Variants in GLYR1 observed in about 807,000 individuals in gnomAD.
GLYR1 encodes glyoxylate reductase 1 homolog.
In GLYR1, 21 loss-of-function variants were observed where a neutral mutation model predicts 72.7. The observed-to-expected ratio is 0.29, with a 90% CI of 0.20 to 0.42. The LOEUF (loss-of-function observed/expected upper bound fraction) is 0.42. Ranked by LOEUF, GLYR1 falls within the 10% of genes least tolerant of loss-of-function variation. The pLI, the probability that GLYR1 is intolerant of heterozygous loss-of-function variation, is 1.00. For missense variants in GLYR1, 594 were observed against 712.1 expected, an observed-to-expected ratio of 0.83 and a Z score of 1.89; for synonymous variants, 392 against 270.2, an observed-to-expected ratio of 1.45 and a Z score of -4.42.
chr16:4,808,691 A>G (rs1337322167), intron 15 of GLYR1, among the ~76,000 whole-genome samples: 1 of 152,118 alleles, frequency 6.6e-6, no homozygotes, highest in African/African-American at 2.4e-5. Flanking sequence ...ACAAAGTGTC[A>G]TTTTTATTAT....
At chr16:4,824,009 C>T in intron 5 of GLYR1, 102 bp from the exon 6 acceptor site, 1 of 863,012 alleles carries the variant, frequency 1.2e-6, no homozygotes, top group Non-Finnish European at 1.9e-6. Context: ...AATCCCCAAC[C>T]ACTGTTCTGA....
chr16:4,821,297 C>T (rs1274832827), intron 9 of GLYR1, 83 bp downstream of exon 9: 7 of 1,420,272 alleles, frequency 4.9e-6, no homozygotes, highest in Admixed American at 1.7e-5. Flanking sequence ...GGACACAACC[C>T]TTAAAGAACC....
intron 3 of GLYR1, among the ~76,000 whole-genome samples, chr16:4,835,973 T>C (rs1596387874): frequency 6.6e-6 from 1 of 152,212 alleles, no homozygotes; most frequent in Admixed American, 6.5e-5. Context: ...TTTTTAAATT[T>C]ATTTTTTATA....
chr16:4,817,142 C>T (rs370791441), intron 10 of GLYR1, among the ~76,000 whole-genome samples: 3 of 149,512 alleles, frequency 2.0e-5, no homozygotes, highest in Admixed American at 6.7e-5. Flanking sequence ...TTTTTTGAGA[C>T]GGAGTCTTGC....
At chr16:4,833,985 C>G (rs2084959070) in intron 3 of GLYR1, among the ~76,000 whole-genome samples, 1 of 152,160 alleles carries the variant, frequency 6.6e-6, no homozygotes, top group Non-Finnish European at 1.5e-5. Context: ...ATACAGAAAC[C>G]CAGCTATCTC....
At chr16:4,846,564 A>C (rs557062454) in intron 1 of GLYR1, 84 of 293,416 alleles carry the variant, frequency 2.9e-4, no homozygotes, top group African/African-American at 1.7e-3. Context: ...TGGCTTTGAC[A>C]AATGCTAATG....
At position 4,833,436 on chromosome 16, in the gene GLYR1, G is replaced by T. The variant is rs1290485704; in HGVS notation, c.156-524C>A. Among the ~76,000 whole-genome samples the T allele has an allele frequency of 2.0e-5, 3 of 152,138 alleles. No homozygotes were observed. The South Asian group carries it at 6.2e-4, about 32-fold the overall frequency. On this transcript the variant is annotated intron_variant, in intron 3 of 15. Coordinates refer to ENST00000321919, the MANE Select transcript of GLYR1 (RefSeq NM_032569.4). ...ATCTGTTGATCCACAGAGAGTCAGG[G>T]ATGTTACAGAGCTGAAGAAATGCAA...
At chr16:4,843,222 A>C (rs1212009138) in intron 3 of GLYR1, among the ~76,000 whole-genome samples, 1 of 152,140 alleles carries the variant, frequency 6.6e-6, no homozygotes, top group Non-Finnish European at 1.5e-5. Flanking sequence ...GCTGGAGTGC[A>C]GGGTCTCGAA....
chr16:4,844,904 TTTCTGCAAGAAATTGCACC>T, intron 3 of GLYR1, among the ~76,000 whole-genome samples, 151 bp downstream of exon 3: 1 of 152,232 alleles, frequency 6.6e-6, no homozygotes, highest in Admixed American at 6.5e-5. Context: ...TCTAGGGCAA[TTTCTGCAAGAAATTGCACC>T]TTTATTTAGG....
At chr16:4,846,772 T>G in intron 1 of GLYR1, 2 of 246,528 alleles carry the variant, frequency 8.1e-6, no homozygotes, top group Non-Finnish European at 1.6e-5. Context: ...GCAGTCCGGT[T>G]TAGACAACCC....
chr16:4,813,908 A>T (rs2083469947), intron 11 of GLYR1, 70 bp from the exon 12 acceptor site: 2 of 1,182,196 alleles, frequency 1.7e-6, no homozygotes, highest in African/African-American at 1.5e-5. Context: ...TACAGACCTC[A>T]GATCAGAATC....
chr16:4,811,845 C>T, intron 13 of GLYR1, 43 bp from the exon 14 acceptor site: 1 of 1,582,372 alleles, frequency 6.3e-7, no homozygotes, highest in Non-Finnish European at 8.6e-7. Context: ...AAGAATGCCA[C>T]AGACAGGGCT....
chr16:4,843,166 GTT>G (rs1033161863), intron 3 of GLYR1, among the ~76,000 whole-genome samples: 24 of 152,036 alleles, frequency 1.6e-4, no homozygotes, highest in Non-Finnish European at 7.4e-5. Context: ...AATCTTTCCT[GTT>G]TTTCTTTTTC....
rs563635607 is a variant in GLYR1, at chr16:4,805,316, A to T, written c.1588-6T>A. On this transcript the variant is annotated splice_polypyrimidine_tract_variant and splice_region_variant and intron_variant, in intron 15 of 15. Coordinates refer to ENST00000321919, the MANE Select transcript of GLYR1 (RefSeq NM_032569.4). ...GCCTTGGCTCTTTTGTACACCTGGA[A>T]AAAAAAGAGATGGCTCAGTCTCTGG... is the stretch of plus-strand genomic sequence containing the variant. 20 of 1,612,528 alleles carry T rather than the reference A, an allele frequency of 1.2e-5. No homozygotes were observed. The highest frequency in any genetic ancestry group is 1.7e-5 in the Non-Finnish European group (20 of 1,179,222).
chr16:4,815,727 A>G (rs189424297), intron 10 of GLYR1, among the ~76,000 whole-genome samples: 1 of 152,238 alleles, frequency 6.6e-6, no homozygotes, highest in Non-Finnish European at 1.5e-5. Context: ...ATAAGTGCCC[A>G]TAAATACATG....
intron 15 of GLYR1, among the ~76,000 whole-genome samples, chr16:4,806,607 AGCCTCGACCCT>A (rs756763153): frequency 1.7e-3 from 256 of 151,686 alleles, no homozygotes; most frequent in African/African-American, 3.5e-3. Flanking sequence ...GGCTTGCTTA[AGCCTCGACCCT>A]GCCTCGACCC....
chr16:4,837,623 G>C (rs746470571), intron 3 of GLYR1, among the ~76,000 whole-genome samples: 11 of 151,980 alleles, frequency 7.2e-5, no homozygotes, highest in Non-Finnish European at 1.5e-5. Flanking sequence ...GAGACAGACA[G>C]AGAAAAAGCA....
chr16:4,813,109 C>T (rs1203886296), intron 12 of GLYR1, among the ~76,000 whole-genome samples: 2 of 152,022 alleles, frequency 1.3e-5, no homozygotes, highest in Non-Finnish European at 2.9e-5. Context: ...ACTACAGGTG[C>T]CCGCCACCGC....
chr16:4,804,958 T>TGC lies in GLYR1; in HGVS notation c.*277_*278insGC. 1.9e-6 allele frequency: 1 copy of TGC among 528,418 alleles called. No homozygotes were observed. The highest frequency in any genetic ancestry group is 1.9e-5 in the African/African-American group (1 of 51,494). 32.7% of individuals were successfully genotyped at this position (528,418 alleles called of 1,614,324 possible). On this transcript the variant is annotated 3_prime_UTR_variant, in exon 16 of 16. Coordinates refer to ENST00000321919, the MANE Select transcript of GLYR1 (RefSeq NM_032569.4). Reference sequence around the variant, plus strand: ...CTGTGTGTGTGTGTGTGTGTGTGTGTGTGTGTGTGTGTGAACACACAGCCA... The same window carrying TGC: ...CTGTGTGTGTGTGTGTGTGTGTGTGTGCGTGTGTGTGTGTGAACACACAGCCA...
Sources: gnomAD v4.1 joint callset for allele counts (sites outside exome capture counted in the v4.1 genomes callset) on GRCh38, gnomAD v4.1.1 for gene constraint, MANE v1.5 for transcripts, NCBI Gene and HGNC (gene_info 2026-07-23, HGNC 2026-07-21) for gene names.